SLC4A7: variants seen among roughly 807,000 people sequenced by gnomAD.
SLC4A7 encodes the protein sodium bicarbonate cotransporter 3.
Under a neutral mutation model 137.6 loss-of-function variants are expected in SLC4A7, and 51 were observed. The ratio of observed to expected loss-of-function variants is 0.37; its 90% CI spans 0.30 to 0.47. The LOEUF (loss-of-function observed/expected upper bound fraction) is 0.47. Among genes scored for constraint, SLC4A7 ranks in the 20% least tolerant of loss-of-function variants. SLC4A7 has a pLI of 1.00. For synonymous variants in SLC4A7, 542 were observed against 518.6 expected, an observed-to-expected ratio of 1.05 and a Z score of -0.61; for missense variants, 1,247 against 1,525.4, an observed-to-expected ratio of 0.82 and a Z score of 3.04.
chr3:27,401,419 A>T (rs1461863081), intron 15 of SLC4A7, among the ~76,000 whole-genome samples: 1 of 152,224 alleles, frequency 6.6e-6, no homozygotes. Flanking sequence ...TCATATCCAG[A>T]ACTATTTCAA....
intron 10 of SLC4A7, among the ~76,000 whole-genome samples, chr3:27,420,169 AAAAAAG>A (rs1364004000): frequency 1.3e-5 from 2 of 152,076 alleles, no homozygotes; most frequent in Admixed American, 6.6e-5. Flanking sequence ...GTCTCAAAAA[AAAAAAG>A]AAAAGAAAAG....
intron 11 of SLC4A7, among the ~76,000 whole-genome samples, chr3:27,414,499 A>T (rs2054201235): frequency 6.6e-6 from 1 of 152,228 alleles, no homozygotes; most frequent in African/African-American, 2.4e-5. Flanking sequence ...GCTAGCGAAA[A>T]GAAAATATTA....
At chr3:27,446,427 A>G (rs1350763448) in intron 3 of SLC4A7, among the ~76,000 whole-genome samples, 1 of 152,172 alleles carries the variant, frequency 6.6e-6, no homozygotes, top group Admixed American at 6.5e-5. Flanking sequence ...AGGAATAGTT[A>G]TTCCTTTGAA....
intron 3 of SLC4A7, among the ~76,000 whole-genome samples, chr3:27,444,109 C>T (rs575874081): frequency 7.2e-5 from 11 of 152,260 alleles, no homozygotes; most frequent in African/African-American, 2.4e-4. Context: ...TTATTCAGGT[C>T]TTCCATATCC....
intron 3 of SLC4A7, among the ~76,000 whole-genome samples, chr3:27,446,647 A>T (rs2057658299): frequency 6.6e-6 from 1 of 152,026 alleles, no homozygotes; most frequent in Non-Finnish European, 1.5e-5. Flanking sequence ...CCATTTACTC[A>T]CAGAAGAACC....
intron 23 of SLC4A7, among the ~76,000 whole-genome samples, chr3:27,384,475 T>C (rs918387723): frequency 6.6e-6 from 1 of 152,146 alleles, no homozygotes; most frequent in African/African-American, 2.4e-5. Context: ...TTGTGGGGCT[T>C]AACACTGCAT....
At chr3:27,454,929 CTTAT>C (rs894288209) in intron 1 of SLC4A7, among the ~76,000 whole-genome samples, 15 of 151,844 alleles carry the variant, frequency 9.9e-5, no homozygotes, top group African/African-American at 3.4e-4. Flanking sequence ...ATTTACTATA[CTTAT>C]TTAAAATACA....
chr3:27,403,103 C>A, intron 15 of SLC4A7, 36 bp downstream of exon 15: 1 of 1,568,374 alleles, frequency 6.4e-7, no homozygotes, highest in Non-Finnish European at 8.6e-7. Context: ...TCTGTAAAAA[C>A]ACATTTTAAT....
intron 20 of SLC4A7, among the ~76,000 whole-genome samples, chr3:27,393,949 C>G (rs1022671392): frequency 3.9e-5 from 6 of 152,158 alleles, no homozygotes; most frequent in Non-Finnish European, 4.4e-5. Context: ...TTAAAAATTA[C>G]TGAGGTCATT....
At chr3:27,399,624 G>A (rs1289899418) in intron 16 of SLC4A7, among the ~76,000 whole-genome samples, 3 of 149,634 alleles carry the variant, frequency 2.0e-5, no homozygotes, top group Admixed American at 6.6e-5. Flanking sequence ...TAGAGATGGT[G>A]CCTTGCTATG....
chr3:27,421,467 G>A (rs2054972654), intron 9 of SLC4A7, among the ~76,000 whole-genome samples, 155 bp downstream of exon 9: 1 of 152,120 alleles, frequency 6.6e-6, no homozygotes, highest in South Asian at 2.1e-4. Flanking sequence ...CTGCACTCCA[G>A]CCTGGATGAC....
At chr3:27,406,918 T>C (rs2053421492) in intron 13 of SLC4A7, among the ~76,000 whole-genome samples, 3 of 151,092 alleles carry the variant, frequency 2.0e-5, no homozygotes, top group Admixed American at 6.6e-5. Flanking sequence ...TGAGACCCTG[T>C]CTCAAAAAAA....
intron 11 of SLC4A7, 77 bp downstream of exon 11, chr3:27,418,393 AAACTTCTCTGTTTTGG>A: frequency 1.0e-6 from 1 of 986,080 alleles, no homozygotes; most frequent in Non-Finnish European, 1.5e-6. Context: ...GGTGGGGATA[AAACTTCTCTGTTTTGG>A]TTTTTGAATC....
intron 13 of SLC4A7, among the ~76,000 whole-genome samples, chr3:27,408,833 C>T (rs1162103762): frequency 6.6e-6 from 1 of 152,300 alleles, no homozygotes; most frequent in African/African-American, 2.4e-5. Context: ...GCTATTTTCA[C>T]ATAGACTTAA....
intron 1 of SLC4A7, among the ~76,000 whole-genome samples, chr3:27,477,189 C>G (rs959864499): frequency 1.3e-5 from 2 of 152,240 alleles, no homozygotes; most frequent in Non-Finnish European, 2.9e-5. Context: ...TACTCTTCCT[C>G]TAATCCTAGC....
At chr3:27,420,232 A>T (rs780065090) in intron 10 of SLC4A7, among the ~76,000 whole-genome samples, 25 of 152,104 alleles carry the variant, frequency 1.6e-4, no homozygotes, top group Non-Finnish European at 2.6e-4. Flanking sequence ...GGGGCATTTC[A>T]AATACCCTTG....
chr3:27,384,120 T>C (rs2172298), intron 23 of SLC4A7, among the ~76,000 whole-genome samples: 32,391 of 151,872 alleles, frequency 0.21, 3,537 homozygotes, highest in Non-Finnish European at 0.25. Context: ...CTTTTCCTTA[T>C]TAATAGAAAT....
intron 1 of SLC4A7, among the ~76,000 whole-genome samples, chr3:27,458,237 T>C (rs560298811): frequency 1.3e-5 from 2 of 152,316 alleles, no homozygotes; most frequent in East Asian, 3.9e-4. Context: ...ATTTGTTTCT[T>C]GGTACCCTCA....
intron 3 of SLC4A7, among the ~76,000 whole-genome samples, chr3:27,445,963 A>AAATATATATAT (rs1553708479): frequency 2.7e-5 from 1 of 37,518 alleles, no homozygotes; most frequent in Non-Finnish European, 4.5e-5. Context: ...AAAAAAAAAA[A>AAATATATATAT]ATATATATAT....
Sources: allele counts gnomAD v4.1 joint callset (sites outside exome capture counted in the v4.1 genomes callset), GRCh38; gene constraint gnomAD v4.1.1; transcripts MANE v1.5; gene names NCBI Gene and HGNC (gene_info 2026-07-23, HGNC 2026-07-21).